The following CEP131 variants were observed in gnomAD, a reference collection of about 807,000 sequenced individuals.
CEP131 encodes centrosomal protein of 131 kDa.
CEP131 carries 99 observed loss-of-function variants against 136.8 expected under a neutral mutation model. The ratio of observed to expected loss-of-function variants is 0.72; its 90% CI spans 0.62 to 0.86. The LOEUF (loss-of-function observed/expected upper bound fraction) is 0.86, where lower values mean the gene tolerates loss of function less well. Ranked by LOEUF, CEP131 falls within the 40% of genes least tolerant of loss-of-function variation. CEP131 has a pLI of 0.00. For missense variants in CEP131, 1,459 were observed against 1,463.0 expected, an observed-to-expected ratio of 1.00 and a Z score of 0.04; for synonymous variants, 646 against 612.7, an observed-to-expected ratio of 1.05 and a Z score of -0.80.
chr17:81,198,094 G>A (rs541334941), intron 12 of CEP131, 21 bp downstream of exon 12: 41 of 1,542,124 alleles, frequency 2.7e-5, no homozygotes, highest in Non-Finnish European at 3.2e-5. Flanking sequence ...ACTGTGCAGG[G>A]CGGGCGCACA....
rs760017668 is a variant in CEP131, at chr17:81,189,980, GGGTAGTA to G, written c.3108-12_3108-6del. ...CTCGCGAGGGCTGTCTTCACCCTGT[GGGTAGTA>G]CATGGTAGGCTTCAGTGTGGCCCCC... is the stretch of plus-strand genomic sequence containing the variant. On this transcript the variant is annotated splice_region_variant and splice_polypyrimidine_tract_variant and intron_variant, in intron 24 of 25. Transcript: ENST00000450824. 1.2e-5 allele frequency: 20 copies of G among 1,605,348 alleles called. No homozygotes were observed. In the South Asian group the frequency reaches 1.9e-4, roughly 15 times the overall value.
Position 81,210,641 on chromosome 17 carries a change from T to G in CEP131, c.178-1619A>C, listed in dbSNP as rs149987040. Among the ~76,000 whole-genome samples the G allele has an allele frequency of 3.3e-3, 502 of 152,176 alleles. 1 individual carries two copies. Among genetic ancestry groups the G allele is most frequent in the African/African-American group, 0.011 (468 of 41,538 alleles). On this transcript the variant is annotated intron_variant, in intron 2 of 25. Transcript: ENST00000450824. ...GCTCACAGTCCAGTGGGAAACGGTC[T>G]GGGGAACACCACCGGATGCCACTGG...
rs1280213203 is a variant in CEP131, at chr17:81,202,321, G to A, written c.707C>T (p.Ala236Val). 1 of 1,613,622 alleles carries A rather than the reference G, an allele frequency of 6.2e-7. No homozygotes were observed. The highest frequency in any genetic ancestry group is 1.7e-5 in the Admixed American group (1 of 60,020). The stretch of plus-strand genomic sequence containing the variant: ...AGTATTGTTCCGGGCTGAGTGGGTG[G>A]CACTGGAGACATTCTTCGGCAGCTT... ...FGKLPKNVSS[A>V]THSARNNTGG... Residue 236 changes from alanine to valine, a missense_variant, in exon 7 of 26, where the codon GCC (alanine) becomes GTC (valine). Around this residue, in one of 3 missense-constraint regions of CEP131, gnomAD observed 246 missense variants for 318.9 expected, o/e 0.77. Coordinates refer to ENST00000450824, the MANE Select transcript of CEP131 (RefSeq NM_014984.4).
rs886220402 is a variant in CEP131 at position 81,217,677 on chromosome 17, C to T, written c.177+2203G>A. On this transcript the variant is annotated intron_variant, in intron 2 of 25. Coordinates refer to ENST00000450824, the MANE Select transcript of CEP131 (RefSeq NM_014984.4). ...AGGGGTGGGGCCGTCTCGGATCGAGCGAGGGCCTCAAAGAATTGAAGTGAA... is the reference window on the plus strand; with the variant it reads ...AGGGGTGGGGCCGTCTCGGATCGAGTGAGGGCCTCAAAGAATTGAAGTGAA... Among the ~76,000 whole-genome samples, 7 of 152,182 alleles carry T rather than the reference C, an allele frequency of 4.6e-5. No individual in the cohort carries two copies. The South Asian group carries it at 6.2e-4, about 14-fold the overall frequency.
intron 11 of CEP131, 144 bp downstream of exon 11, chr17:81,198,733 C>T (rs994377716): frequency 4.8e-5 from 37 of 772,822 alleles, no homozygotes; most frequent in Non-Finnish European, 7.3e-5. Context: ...AGCAAGAAGA[C>T]ACCTCCTGGG....
chr17:81,197,763 G>A lies in CEP131; in HGVS notation c.1596C>T (p.Phe532=), dbSNP rs1008855149. ...GCCCAGACTTCTCCATCTCGTCCAAGAAGCTCATGATGCTTTGTAGCTTGG... is the reference window on the plus strand; with the variant it reads ...GCCCAGACTTCTCCATCTCGTCCAAAAAGCTCATGATGCTTTGTAGCTTGG... ...SEAKLQSIMS[F]LDEMEKSGQD... is the part of the protein sequence containing the mutation. Residue 532 remains phenylalanine (F), a synonymous_variant, in exon 13 of 26, where the codon TTC becomes TTT. Transcript: ENST00000450824. The A allele has an allele frequency of 5.0e-6, 8 of 1,613,008 alleles. No homozygotes were observed. The African/African-American group carries it at 1.1e-4, about 22-fold the overall frequency.
intron 21 of CEP131, among the ~76,000 whole-genome samples, chr17:81,191,616 G>T (rs2061644416): frequency 6.6e-6 from 1 of 152,212 alleles, no homozygotes; most frequent in Admixed American, 6.5e-5. Flanking sequence ...TACCAGATGG[G>T]ATGGGAAAGT....
chr17:81,198,283 C>G lies in CEP131; in HGVS notation c.1302G>C (p.Gln434His). 6.2e-7 allele frequency: 1 copy of G among 1,601,470 alleles called. No homozygotes were observed. Among genetic ancestry groups the G allele is most frequent in the South Asian group, 1.1e-5 (1 of 89,252 alleles). ...TCTCCAGGTTGTCCCCAGCTGCATC[C>G]TGGGCAAGAACGTCCTGCAAAAGAG... ...PEDRTQDVLA[Q>H]DAAGDNLEMM... Residue 434 changes from glutamine to histidine, a missense_variant, in exon 12 of 26, where the codon CAG becomes CAC. This residue lies in a region of CEP131 where 1,026 missense variants were observed against 964.2 expected (regional missense o/e 1.06). Coordinates refer to ENST00000450824, the MANE Select transcript of CEP131 (RefSeq NM_014984.4).
chr17:81,206,614 T>G (rs2062013288), intron 5 of CEP131, 130 bp downstream of exon 5: 2 of 1,319,068 alleles, frequency 1.5e-6, no homozygotes, highest in Non-Finnish European at 2.1e-6. Context: ...AAAGCCATTC[T>G]TTCACTCACT....
At chr17:81,216,714 G>T (rs948628095) in intron 2 of CEP131, among the ~76,000 whole-genome samples, 1 of 152,192 alleles carries the variant, frequency 6.6e-6, no homozygotes, top group African/African-American at 2.4e-5. Context: ...ACTGCTCAAT[G>T]AGCCCCCTTT....
intron 17 of CEP131, among the ~76,000 whole-genome samples, 162 bp downstream of exon 17, chr17:81,194,708 C>T (rs1048486851): frequency 1.8e-4 from 28 of 152,242 alleles, no homozygotes; most frequent in African/African-American, 4.1e-4. Flanking sequence ...CGGCAGAAGC[C>T]GCAGCGGAGG....
intron 5 of CEP131, among the ~76,000 whole-genome samples, chr17:81,205,453 GGT>G (rs2061987554): frequency 1.3e-5 from 1 of 75,714 alleles, no homozygotes; most frequent in African/African-American, 6.0e-5. Context: ...GGGGTGGGGG[GGT>G]AGGAGGGGCG....
chr17:81,203,467 C>T lies in CEP131; in HGVS notation c.629+27G>A. 1 of 1,548,364 alleles carries T rather than the reference C, an allele frequency of 6.5e-7. No individual in the cohort carries two copies. The highest frequency in any genetic ancestry group is 8.8e-7 in the Non-Finnish European group (1 of 1,142,206). On this transcript the variant is annotated intron_variant, in intron 6 of 25. Coordinates refer to ENST00000450824, the MANE Select transcript of CEP131 (RefSeq NM_014984.4). The surrounding 1 kb of genome is among the most constrained non-coding windows in gnomAD (Gnocchi z 4.6). ...CCCTAACTGAGGTCGGACCCCGCAG[C>T]CCCGCGGCCTCCCCAGAAGACCTTA...
chr17:81,191,402 AGGG>A, intron 21 of CEP131, 67 bp from the exon 22 acceptor site: 1 of 1,532,036 alleles, frequency 6.5e-7, no homozygotes, highest in Non-Finnish European at 9.0e-7. Context: ...GGCCAGCCTC[AGGG>A]GGTCCTGGGG....
At chr17:81,192,661 C>A (rs535175733) in intron 19 of CEP131, 68 bp from the exon 20 acceptor site, 3 of 249,934 alleles carry the variant, frequency 1.2e-5, no homozygotes, top group Non-Finnish European at 2.0e-5. Flanking sequence ...GAGAGGTCAG[C>A]GGGTGAGGGG....
Position 81,202,264 on chromosome 17 carries a change from TCC to T in CEP131, c.762_763del (p.Glu255GlyfsTer7). On this transcript the variant is annotated frameshift_variant, in exon 7 of 26. Transcript: ENST00000450824. LOFTEE classifies it high-confidence loss of function. ...CCTCTCAGCCTCCTCCTCCGTCACC[TCC>T]TTCCGCCTGGGCAAGCCCGTGCTGC... 2 of 1,359,204 alleles carry T rather than the reference TCC, an allele frequency of 1.5e-6. No homozygotes were observed. Among genetic ancestry groups the T allele is most frequent in the Non-Finnish European group, 1.9e-6 (2 of 1,028,052 alleles). The allele number at this position is 1,359,204 out of a possible 1,614,324, so 84.2% of individuals were successfully genotyped here. A position where few individuals can be genotyped will look rare whatever the true frequency, so the allele number is the denominator to read the frequency against.
intron 2 of CEP131, among the ~76,000 whole-genome samples, chr17:81,216,442 G>A (rs1017844424): frequency 2.6e-5 from 4 of 151,952 alleles, no homozygotes; most frequent in Non-Finnish European, 5.9e-5. Context: ...GAGGTAAGAG[G>A]ATCACTTGTG....
Position 81,203,550 on chromosome 17 carries a change from G to A in CEP131, c.573C>T (p.Thr191=). Residue 191 remains threonine (T), a synonymous_variant, in exon 6 of 26, where the codon ACC becomes ACT. Transcript: ENST00000450824. The surrounding 1 kb of genome is among the most constrained non-coding windows in gnomAD (Gnocchi z 4.6). ...CVTTMVHNRY[T]PSERAPPLKS... is the part of the protein sequence containing the mutation. ...TGAGCGGAGGCGCCCTCTCCGAGGG[G>A]GTGTAGCGGTTGTGCACCATGGTGG... 8 of 1,608,810 alleles carry A rather than the reference G, an allele frequency of 5.0e-6. No individual in the cohort carries two copies. The highest frequency in any genetic ancestry group is 6.8e-6 in the Non-Finnish European group (8 of 1,178,280).
chr17:81,193,535 G>A (rs535902095), intron 18 of CEP131, among the ~76,000 whole-genome samples: 1 of 152,204 alleles, frequency 6.6e-6, no homozygotes, highest in African/African-American at 2.4e-5. Context: ...CCAGGCCAAG[G>A]GAGTGAATGA....
Sources: allele counts gnomAD v4.1 joint callset (sites outside exome capture counted in the v4.1 genomes callset), GRCh38; gene constraint gnomAD v4.1.1; regional missense constraint gnomAD v4.1.1; non-coding constraint Gnocchi (gnomAD v3.1); transcripts MANE v1.5; gene names NCBI Gene and HGNC (gene_info 2026-07-23, HGNC 2026-07-21).